The following CAMK1D variants were observed in gnomAD, a reference collection of about 807,000 sequenced individuals.
CAMK1D encodes the protein calcium/calmodulin-dependent protein kinase type 1D.
Under a neutral mutation model 47.7 loss-of-function variants are expected in CAMK1D, and 9 were observed. That is an observed-to-expected ratio of 0.19 (90% CI 0.11 to 0.33). The LOEUF (loss-of-function observed/expected upper bound fraction) is 0.33, where lower values mean the gene tolerates loss of function less well. Ranked by LOEUF, CAMK1D falls within the 10% of genes least tolerant of loss-of-function variation. CAMK1D has a pLI of 1.00. For synonymous variants in CAMK1D, 184 were observed against 184.9 expected (o/e 0.99, Z 0.04); for missense variants, 291 against 488.7 (o/e 0.60, Z 3.81).
chr10:12,391,650 G>A (rs576500622), intron 1 of CAMK1D, among the ~76,000 whole-genome samples: 174 of 152,224 alleles, frequency 1.1e-3, no homozygotes, highest in African/African-American at 3.6e-3. Flanking sequence ...CACCCTAGTC[G>A]GTTAAATTTA....
chr10:12,642,542 T>C (rs1839696461), intron 2 of CAMK1D, among the ~76,000 whole-genome samples: 1 of 152,204 alleles, frequency 6.6e-6, no homozygotes, highest in Non-Finnish European at 1.5e-5. Flanking sequence ...GCATACTCTT[T>C]CCAACATTGA....
chr10:12,514,564 G>A (rs1835134500), intron 1 of CAMK1D, among the ~76,000 whole-genome samples: 1 of 152,236 alleles, frequency 6.6e-6, no homozygotes, highest in African/African-American at 2.4e-5. Flanking sequence ...CAAGAAGTAT[G>A]TGGGGCAGGC....
At chr10:12,749,260 G>C (rs748219902) in intron 3 of CAMK1D, among the ~76,000 whole-genome samples, 1 of 151,504 alleles carries the variant, frequency 6.6e-6, no homozygotes, top group African/African-American at 2.4e-5. Flanking sequence ...TAAATATTGG[G>C]GAAAAAAATC....
At chr10:12,669,718 G>T (rs994382521) in intron 3 of CAMK1D, among the ~76,000 whole-genome samples, 2 of 152,018 alleles carry the variant, frequency 1.3e-5, no homozygotes, top group African/African-American at 4.8e-5. Flanking sequence ...TAGTCAACCA[G>T]TGACCTACTT....
chr10:12,496,226 A>G (rs905404845), intron 1 of CAMK1D, among the ~76,000 whole-genome samples: 6 of 152,194 alleles, frequency 3.9e-5, no homozygotes, highest in African/African-American at 1.4e-4. Context: ...GTTGGTGTTA[A>G]GTTTTTAAAC....
chr10:12,761,021 A>G lies in CAMK1D; in HGVS notation c.373A>G (p.Ile125Val). Residue 125 changes from isoleucine to valine, a missense_variant, in exon 4 of 11, where the codon ATC (isoleucine) becomes GTC (valine). Physicochemically the swap from Ile to Val is conservative, Grantham distance 29 (BLOSUM62 3). Transcript: ENST00000619168. Reference sequence around the variant, plus strand: ...TACAGAGAAGGATGCCAGCACTCTGATCCGCCAAGTCTTGGACGCCGTGTA... The same window carrying G: ...TACAGAGAAGGATGCCAGCACTCTGGTCCGCCAAGTCTTGGACGCCGTGTA... Reference protein sequence around the residue: ...FYTEKDASTLIRQVLDAVYYL... With the variant: ...FYTEKDASTLVRQVLDAVYYL... The G allele has an allele frequency of 6.2e-7, 1 of 1,614,158 alleles. No individual in the cohort carries two copies. Among genetic ancestry groups the G allele is most frequent in the Non-Finnish European group, 8.5e-7 (1 of 1,180,026 alleles).
At chr10:12,362,677 A>AT (rs532250863) in intron 1 of CAMK1D, among the ~76,000 whole-genome samples, 66 of 151,184 alleles carry the variant, frequency 4.4e-4, no homozygotes, top group African/African-American at 1.4e-3. Context: ...TTTATTTTTT[A>AT]TTTTTTTTAT....
intron 6 of CAMK1D, among the ~76,000 whole-genome samples, chr10:12,804,242 T>C (rs1838613930): frequency 6.6e-6 from 1 of 152,170 alleles, no homozygotes; most frequent in Non-Finnish European, 1.5e-5. Flanking sequence ...CTTAAGTCAG[T>C]ACACACACAC....
chr10:12,501,638 C>G (rs149001081), intron 1 of CAMK1D, among the ~76,000 whole-genome samples: 26 of 117,548 alleles, frequency 2.2e-4, no homozygotes, highest in Non-Finnish European at 3.9e-4. Flanking sequence ...CAGCAGTTCT[C>G]GACTGAGAGT....
At chr10:12,704,554 A>T (rs540484312) in intron 3 of CAMK1D, among the ~76,000 whole-genome samples, 8 of 152,294 alleles carry the variant, frequency 5.3e-5, no homozygotes, top group South Asian at 4.2e-4. Context: ...ATATTTTTTA[A>T]AAAGAGGAAA....
intron 2 of CAMK1D, among the ~76,000 whole-genome samples, chr10:12,603,654 C>G (rs897117007): frequency 2.0e-5 from 3 of 152,126 alleles, no homozygotes; most frequent in Non-Finnish European, 4.4e-5. Context: ...TGGATTAGCA[C>G]CCGCTGGGGA....
chr10:12,793,599 G>A (rs1588935925), intron 6 of CAMK1D, among the ~76,000 whole-genome samples: 1 of 152,258 alleles, frequency 6.6e-6, no homozygotes, highest in African/African-American at 2.4e-5. Context: ...GTTTCCTGGT[G>A]AGGGCTCTTT....
chr10:12,560,920 C>T (rs10544101), intron 2 of CAMK1D, among the ~76,000 whole-genome samples: 71,105 of 149,586 alleles, frequency 0.48, 18,056 homozygotes, highest in Non-Finnish European at 0.58. Flanking sequence ...TTCTTTCTTT[C>T]TTTTTTTTTT....
chr10:12,558,339 A>C (rs1402213817), intron 2 of CAMK1D, among the ~76,000 whole-genome samples: 2 of 152,194 alleles, frequency 1.3e-5, no homozygotes, highest in Middle Eastern at 3.2e-3. Context: ...GGGTTGCTTG[A>C]GGTCAAGAGC....
chr10:12,474,066 C>G (rs1306013349), intron 1 of CAMK1D, among the ~76,000 whole-genome samples: 1 of 152,128 alleles, frequency 6.6e-6, no homozygotes, highest in East Asian at 1.9e-4. Flanking sequence ...CTTTTTACTT[C>G]TGGGTCCAGT....
chr10:12,601,248 A>G (rs1346780180), intron 2 of CAMK1D, among the ~76,000 whole-genome samples: 1 of 122,100 alleles, frequency 8.2e-6, no homozygotes, highest in Non-Finnish European at 1.7e-5. Context: ...GCTTTTATTT[A>G]CAAGCATTCC....
chr10:12,362,157 A>G (rs1837683996), intron 1 of CAMK1D, among the ~76,000 whole-genome samples: 2 of 152,220 alleles, frequency 1.3e-5, no homozygotes, highest in Non-Finnish European at 2.9e-5. Flanking sequence ...AGTACATTAC[A>G]GCATTGTCCA....
At chr10:12,444,708 T>G (rs1832879877) in intron 1 of CAMK1D, among the ~76,000 whole-genome samples, 1 of 152,208 alleles carries the variant, frequency 6.6e-6, no homozygotes. Context: ...TACAGGTGCA[T>G]TCAAAGGTTT....
At chr10:12,394,854 T>A (rs1329609603) in intron 1 of CAMK1D, among the ~76,000 whole-genome samples, 1 of 152,042 alleles carries the variant, frequency 6.6e-6, no homozygotes, top group African/African-American at 2.4e-5. Flanking sequence ...CCTCAGAGCC[T>A]GTAGCAGGGC....
Sources: gnomAD v4.1 joint callset for allele counts (sites outside exome capture counted in the v4.1 genomes callset) on GRCh38, gnomAD v4.1.1 for gene constraint, MANE v1.5 for transcripts, NCBI Gene and HGNC (gene_info 2026-07-23, HGNC 2026-07-21) for gene names.